ANKS6: variants seen among roughly 807,000 people sequenced by gnomAD.
The protein encoded by ANKS6 is ankyrin repeat and sterile alpha motif domain containing 6, also known as ankyrin repeat and SAM domain-containing protein 6.
ANKS6 carries 47 observed loss-of-function variants against 77.9 expected under a neutral mutation model. The observed-to-expected ratio is 0.60, with a 90% CI of 0.48 to 0.77. The LOEUF is 0.77. ANKS6 is among the 30% of genes least tolerant of loss of function. The pLI is 0.00. For missense variants in ANKS6, 1,150 were observed against 1,159.1 expected (o/e 0.99, Z 0.11); for synonymous variants, 488 against 501.7 (o/e 0.97, Z 0.37).
Position 98,783,994 on chromosome 9 carries a change from G to C in ANKS6, c.1071C>G (p.Ser357Arg). ...GCATGAGGGCCGTCCAGCCATGCAC[G>C]CTGTCCTGCTTGTCAACATCCGCGT... ...ERHADVDKQDSVHGWTALMQA... is the reference protein window; with the variant it reads ...ERHADVDKQDRVHGWTALMQA... Residue 357 changes from serine (S) to arginine (R), a missense_variant, in exon 4 of 15, where the codon AGC (serine) becomes AGG (arginine). Transcript: ENST00000353234. 7 of 1,608,346 alleles carry C rather than the reference G, an allele frequency of 4.4e-6. No individual in the cohort carries two copies. The highest frequency in any genetic ancestry group is 5.1e-6 in the Non-Finnish European group (6 of 1,178,724).
intron 8 of ANKS6, among the ~76,000 whole-genome samples, chr9:98,775,345 T>C (rs1266724958): frequency 6.6e-6 from 1 of 152,124 alleles, no homozygotes; most frequent in Non-Finnish European, 1.5e-5. Context: ...GCTGTTAAAA[T>C]AACAAAAAAC....
At chr9:98,765,256 C>T (rs1055801098) in intron 11 of ANKS6, among the ~76,000 whole-genome samples, 2 of 152,186 alleles carry the variant, frequency 1.3e-5, no homozygotes, top group Admixed American at 6.5e-5. Flanking sequence ...ATATGGGCAA[C>T]ATACTGGGGA....
At chr9:98,755,290 C>A (rs1257685098) in intron 12 of ANKS6, among the ~76,000 whole-genome samples, 1 of 152,198 alleles carries the variant, frequency 6.6e-6, no homozygotes, top group East Asian at 1.9e-4. Context: ...CGAACACAAT[C>A]AGATTTTCCT....
At chr9:98,783,803 CTTTT>C (rs10711864) in intron 4 of ANKS6, 146 bp downstream of exon 4, 453 of 418,646 alleles carry the variant, frequency 1.1e-3, no homozygotes, top group South Asian at 1.3e-3. Flanking sequence ...GCCTGTGCCG[CTTTT>C]TTTTTTTTTT....
Position 98,745,653 on chromosome 9 carries a change from G to A in ANKS6, c.2417C>T (p.Thr806Ile). Residue 806 changes from threonine (T) to isoleucine (I), a missense_variant, in exon 14 of 15, where the codon ACA (threonine) becomes ATA (isoleucine). Coordinates refer to ENST00000353234, the MANE Select transcript of ANKS6 (RefSeq NM_173551.5). ...EQEVDMEAFL[T>I]LTDGDLKELG... ...CTCCTTCAAGTCACCGTCAGTCAGTGTGAGGAACGCTTCCATGTCCACCTG... is the reference window on the plus strand; with the variant it reads ...CTCCTTCAAGTCACCGTCAGTCAGTATGAGGAACGCTTCCATGTCCACCTG... 1 of 1,614,176 alleles carries A rather than the reference G, an allele frequency of 6.2e-7. No homozygotes were observed. Among genetic ancestry groups the A allele is most frequent in the Non-Finnish European group, 8.5e-7 (1 of 1,180,006 alleles).
intron 14 of ANKS6, among the ~76,000 whole-genome samples, chr9:98,742,722 C>A (rs531940406): frequency 1.2e-4 from 18 of 151,964 alleles, no homozygotes; most frequent in African/African-American, 4.3e-4. Context: ...GGCACCTGGG[C>A]CTCTTGGTTG....
chr9:98,777,034 C>T (rs906821017), intron 8 of ANKS6, among the ~76,000 whole-genome samples: 4 of 152,224 alleles, frequency 2.6e-5, no homozygotes, highest in African/African-American at 7.2e-5. Flanking sequence ...GATGAGGAAA[C>T]TGAGGCCTCC....
At chr9:98,758,051 G>A (rs1832809222) in intron 11 of ANKS6, among the ~76,000 whole-genome samples, 1 of 152,158 alleles carries the variant, frequency 6.6e-6, no homozygotes. Flanking sequence ...GTCTCACTGA[G>A]GCAAGTGTTA....
chr9:98,784,616 T>C (rs1834463641), intron 3 of ANKS6: 2 of 548,606 alleles, frequency 3.6e-6, no homozygotes, highest in African/African-American at 3.8e-5. Context: ...TAGACAGTGT[T>C]TGGCTGGAGT....
At chr9:98,750,928 C>A in intron 13 of ANKS6, 101 bp downstream of exon 13, 1 of 900,166 alleles carries the variant, frequency 1.1e-6, no homozygotes, top group Non-Finnish European at 1.8e-6. Context: ...TGTCTCAGTG[C>A]AAGAGATCAA....
At chr9:98,776,528 G>A (rs1406600924) in intron 8 of ANKS6, among the ~76,000 whole-genome samples, 3 of 151,770 alleles carry the variant, frequency 2.0e-5, no homozygotes, top group Admixed American at 2.0e-4. Context: ...AGCCTCCCGA[G>A]TATCTGGTAT....
intron 1 of ANKS6, among the ~76,000 whole-genome samples, chr9:98,794,053 G>A (rs1044225314): frequency 2.0e-5 from 3 of 148,730 alleles, no homozygotes; most frequent in African/African-American, 7.4e-5. Context: ...CGGAGGCTGA[G>A]ACAGGAGAAT....
intron 8 of ANKS6, among the ~76,000 whole-genome samples, 189 bp from the exon 9 acceptor site, chr9:98,774,269 A>G (rs1325494754): frequency 1.3e-5 from 2 of 152,098 alleles, no homozygotes; most frequent in Non-Finnish European, 2.9e-5. Context: ...GCTCTGCGCC[A>G]ACACCAGGCT....
In ANKS6 at chr9:98,796,316, G is replaced by A; in HGVS notation, c.176C>T (p.Ala59Val). Reference protein sequence around the residue: ...PAGAEVAGPGAAAAGAVGAPV... With the variant: ...PAGAEVAGPGVAAAGAVGAPV... The stretch of plus-strand genomic sequence containing the variant: ...AGCCCCGACTGCCCCCGCCGCTGCG[G>A]CCCCGGGCCCGGCCACCTCGGCCCC... The change falls in exon 1 of 15, where the codon GCC (alanine) becomes GTC (valine). Residue 59 changes from alanine (A) to valine (V), a missense_variant. Coordinates refer to ENST00000353234, the MANE Select transcript of ANKS6 (RefSeq NM_173551.5). The A allele has an allele frequency of 8.1e-7, 1 of 1,230,796 alleles. No homozygotes were observed. The highest frequency in any genetic ancestry group is 1.0e-6 in the Non-Finnish European group (1 of 987,644). 76.2% of individuals were successfully genotyped at this position (1,230,796 alleles called of 1,614,324 possible). A position where few individuals can be genotyped will look rare whatever the true frequency, so the allele number is the denominator to read the frequency against.
At position 98,735,760 on chromosome 9, in the gene ANKS6, C is replaced by T; in HGVS notation, c.*759G>A. ...ACAGCAGGCCTCCACTTCTTTCCTT[C>T]TATAATAGACTCTCTTTGCAATAAA... is the stretch of plus-strand genomic sequence containing the variant. On this transcript the variant is annotated 3_prime_UTR_variant, in exon 15 of 15. Coordinates refer to ENST00000353234, the MANE Select transcript of ANKS6 (RefSeq NM_173551.5). 1 of 1,231,738 alleles carries T rather than the reference C, an allele frequency of 8.1e-7. No individual in the cohort carries two copies. The highest frequency in any genetic ancestry group is 1.0e-6 in the Non-Finnish European group (1 of 987,976). The allele number at this position is 1,231,738 out of a possible 1,614,324, so 76.3% of individuals were successfully genotyped here.
intron 14 of ANKS6, among the ~76,000 whole-genome samples, chr9:98,737,625 A>C (rs959805032): frequency 1.3e-5 from 2 of 152,224 alleles, no homozygotes; most frequent in African/African-American, 4.8e-5. Flanking sequence ...TCATGGATGG[A>C]GAGAATCAAT....
chr9:98,755,435 T>C (rs1355820405), intron 12 of ANKS6, among the ~76,000 whole-genome samples: 1 of 152,174 alleles, frequency 6.6e-6, no homozygotes, highest in Non-Finnish European at 1.5e-5. Context: ...CCTTTCTTCA[T>C]CTGCCTTTAT....
At chr9:98,764,627 CTT>C (rs1833175155) in intron 11 of ANKS6, among the ~76,000 whole-genome samples, 1 of 152,200 alleles carries the variant, frequency 6.6e-6, no homozygotes, top group Non-Finnish European at 1.5e-5. Flanking sequence ...TTCACTGACT[CTT>C]TCCCTGGCGG....
At chr9:98,789,032 TTTC>T (rs1221411274) in intron 2 of ANKS6, among the ~76,000 whole-genome samples, 214 of 150,754 alleles carry the variant, frequency 1.4e-3, no homozygotes, top group Non-Finnish European at 2.2e-3. Flanking sequence ...GGATGGTGTA[TTTC>T]TTTTTTTTTT....
Sources: gnomAD v4.1 joint callset for allele counts (sites outside exome capture counted in the v4.1 genomes callset) on GRCh38, gnomAD v4.1.1 for gene constraint, MANE v1.5 for transcripts, NCBI Gene and HGNC (gene_info 2026-07-23, HGNC 2026-07-21) for gene names.